The following PPP2R5E variants were observed in gnomAD, a reference collection of about 807,000 sequenced individuals.
The protein encoded by PPP2R5E is serine/threonine-protein phosphatase 2A 56 kDa regulatory subunit epsilon isoform.
PPP2R5E carries 4 observed loss-of-function variants against 65.3 expected under a neutral mutation model. The observed-to-expected ratio is 0.06, with a 90% CI of 0.03 to 0.14. The LOEUF (loss-of-function observed/expected upper bound fraction) is 0.14, where lower values mean the gene tolerates loss of function less well. Ranked by LOEUF, PPP2R5E falls within the 10% of genes least tolerant of loss-of-function variation. The pLI is 1.00. For missense variants in PPP2R5E, 274 were observed against 556.1 expected, an observed-to-expected ratio of 0.49 and a Z score of 5.10; for synonymous variants, 183 against 187.4, an observed-to-expected ratio of 0.98 and a Z score of 0.19.
At chr14:63,408,843 C>A (rs1476206654) in intron 5 of PPP2R5E, among the ~76,000 whole-genome samples, 3 of 152,140 alleles carry the variant, frequency 2.0e-5, no homozygotes, top group Non-Finnish European at 4.4e-5. Flanking sequence ...GCCTGTATTG[C>A]CAGCACTTTG....
rs1304377645 is a variant in PPP2R5E at position 63,422,102 on chromosome 14, T to C, written c.355-8A>G. The stretch of plus-strand genomic sequence containing the variant: ...GAATATATTGCAAGATACCTAAAAA[T>C]AAACAAGCAGCAGAGTTAACGGGAA... On this transcript the variant is annotated splice_polypyrimidine_tract_variant and splice_region_variant and intron_variant, in intron 3 of 13. Transcript: ENST00000337537. The C allele has an allele frequency of 6.2e-7, 1 of 1,602,854 alleles. No individual in the cohort carries two copies. The highest frequency in any genetic ancestry group is 1.3e-5 in the African/African-American group (1 of 74,718).
chr14:63,452,622 T>G (rs1284344883), intron 3 of PPP2R5E: 1 of 152,170 alleles, frequency 6.6e-6, no homozygotes, highest in Non-Finnish European at 1.5e-5. Context: ...TAACAACAAA[T>G]CCAATATACA....
intron 2 of PPP2R5E, among the ~76,000 whole-genome samples, chr14:63,474,348 G>A (rs141059922): frequency 4.6e-5 from 7 of 152,290 alleles, no homozygotes; most frequent in Non-Finnish European, 1.0e-4. Context: ...GAGCACCTGG[G>A]TGAACAGAGG....
At chr14:63,510,038 C>T (rs7156664) in intron 2 of PPP2R5E, among the ~76,000 whole-genome samples, 20,491 of 152,152 alleles carry the variant, frequency 0.13, 1,506 homozygotes, top group African/African-American at 0.17. Flanking sequence ...TTTATGTAAA[C>T]CATAAGCATA....
chr14:63,442,832 G>T (rs985213932), intron 3 of PPP2R5E, among the ~76,000 whole-genome samples: 1 of 152,094 alleles, frequency 6.6e-6, no homozygotes, highest in Non-Finnish European at 1.5e-5. Context: ...GACTATCATG[G>T]TTATATTCTT....
In PPP2R5E at chr14:63,395,217, C is replaced by T. The variant is rs1257887206; in HGVS notation, c.740+9G>A. 11 of 1,604,082 alleles carry T rather than the reference C, an allele frequency of 6.9e-6. No homozygotes were observed. The highest frequency in any genetic ancestry group is 1.1e-5 in the South Asian group (1 of 90,716). Reference sequence around the variant, plus strand: ...ATCTGAGATTAGCAATTAGAAAAACCGTGCTCACCTTCCTAATATTTCCAG... The same window carrying T: ...ATCTGAGATTAGCAATTAGAAAAACTGTGCTCACCTTCCTAATATTTCCAG... On this transcript the variant is annotated intron_variant, in intron 7 of 13. Coordinates refer to ENST00000337537, the MANE Select transcript of PPP2R5E (RefSeq NM_006246.5).
intron 10 of PPP2R5E, among the ~76,000 whole-genome samples, chr14:63,391,141 A>C (rs1188805076): frequency 6.6e-6 from 1 of 152,126 alleles, no homozygotes. Flanking sequence ...GGCCACTCGG[A>C]AGGGAACATC....
chr14:63,535,872 C>CA (rs1488963637), intron 2 of PPP2R5E, among the ~76,000 whole-genome samples: 5 of 151,606 alleles, frequency 3.3e-5, no homozygotes, highest in East Asian at 1.9e-4. Flanking sequence ...AGGCAATGGC[C>CA]AAAAAAAATA....
intron 2 of PPP2R5E, among the ~76,000 whole-genome samples, chr14:63,488,597 C>T (rs1203441020): frequency 1.3e-5 from 2 of 152,016 alleles, no homozygotes. Context: ...GCCTGTAATC[C>T]CAGCACTTTG....
At chr14:63,488,067 C>T (rs1246439881) in intron 2 of PPP2R5E, among the ~76,000 whole-genome samples, 2 of 152,106 alleles carry the variant, frequency 1.3e-5, no homozygotes, top group Non-Finnish European at 2.9e-5. Flanking sequence ...TTCTATTATT[C>T]GCTCTCATGT....
chr14:63,531,452 A>C (rs1893431054), intron 2 of PPP2R5E, among the ~76,000 whole-genome samples: 1 of 150,704 alleles, frequency 6.6e-6, no homozygotes, highest in Admixed American at 6.6e-5. Context: ...ATGTACCCTA[A>C]AACTTAAAGT....
At chr14:63,475,210 C>G (rs1350162662) in intron 2 of PPP2R5E, among the ~76,000 whole-genome samples, 2 of 152,248 alleles carry the variant, frequency 1.3e-5, no homozygotes, top group Non-Finnish European at 2.9e-5. Flanking sequence ...CAAATTCAAA[C>G]TTCCCTAGAG....
At chr14:63,501,977 C>T (rs571365249) in intron 2 of PPP2R5E, among the ~76,000 whole-genome samples, 50 of 152,158 alleles carry the variant, frequency 3.3e-4, no homozygotes, top group Admixed American at 2.6e-4. Context: ...TCACTGCAGC[C>T]TCCACCTCCA....
In PPP2R5E at chr14:63,462,986, CA is replaced by C. The variant is rs376315096; in HGVS notation, c.158-9102del. 3.7e-3 allele frequency among the ~76,000 whole-genome samples: 561 copies of C among 150,814 alleles called. 2 individuals carry two copies. Among genetic ancestry groups the C allele is most frequent in the African/African-American group, 0.013 (529 of 41,148 alleles). ...GTGTGGTGGCGCATGCCTGTAATCC[CA>C]GCTACCCGGGAGGCTGAGGCAGGAG... On this transcript the variant is annotated intron_variant, in intron 2 of 13. Coordinates refer to ENST00000337537, the MANE Select transcript of PPP2R5E (RefSeq NM_006246.5).
chr14:63,495,647 T>C (rs1307361292), intron 2 of PPP2R5E, among the ~76,000 whole-genome samples: 1 of 151,884 alleles, frequency 6.6e-6, no homozygotes, highest in Admixed American at 6.6e-5. Flanking sequence ...TAAAAGAATA[T>C]ATACTAATTT....
chr14:63,500,780 C>T (rs1891837598), intron 2 of PPP2R5E, among the ~76,000 whole-genome samples: 1 of 151,660 alleles, frequency 6.6e-6, no homozygotes, highest in African/African-American at 2.4e-5. Flanking sequence ...GCAGGAGGAT[C>T]TCTCGAGCCT....
rs921856541 is a variant in PPP2R5E at position 63,542,290 on chromosome 14, C to T, written c.-8+489G>A. ...AGGTTTCGCCCTGGGCCAGGGCTCC[C>T]GAAGCTTTATCATCCTCTAATCAGC... is the stretch of plus-strand genomic sequence containing the variant. On this transcript the variant is annotated intron_variant, in intron 1 of 13. Transcript: ENST00000337537. Among the ~76,000 whole-genome samples the T allele has an allele frequency of 3.3e-5, 5 of 152,108 alleles. No individual in the cohort carries two copies. In the East Asian group the frequency reaches 7.7e-4, roughly 23 times the overall value.
At chr14:63,525,462 G>C (rs761510851) in intron 2 of PPP2R5E, among the ~76,000 whole-genome samples, 9 of 152,150 alleles carry the variant, frequency 5.9e-5, no homozygotes, top group Non-Finnish European at 1.3e-4. Flanking sequence ...ACATACAGGA[G>C]AAGAAACCTC....
intron 3 of PPP2R5E, among the ~76,000 whole-genome samples, chr14:63,423,402 C>A (rs1432200215): frequency 6.6e-6 from 1 of 152,072 alleles, no homozygotes; most frequent in African/African-American, 2.4e-5. Context: ...TGGCCTATTA[C>A]AAGATTTCTA....
Sources: gnomAD v4.1 joint callset for allele counts (sites outside exome capture counted in the v4.1 genomes callset) on GRCh38, gnomAD v4.1.1 for gene constraint, MANE v1.5 for transcripts, NCBI Gene and HGNC (gene_info 2026-07-23, HGNC 2026-07-21) for gene names.